Variants in PARD3 observed in about 807,000 individuals in gnomAD.
The protein encoded by PARD3 is partitioning defective 3 homolog.
A neutral mutation model predicts 155.4 loss-of-function variants in PARD3; 75 were observed. The ratio of observed to expected loss-of-function variants is 0.48; its 90% CI spans 0.40 to 0.58. The LOEUF is 0.58. Among genes scored for constraint, PARD3 ranks in the 20% least tolerant of loss-of-function variants. The pLI is 0.00. For synonymous variants in PARD3, 576 were observed against 610.5 expected, an observed-to-expected ratio of 0.94 and a Z score of 0.83; for missense variants, 1,642 against 1,721.7, an observed-to-expected ratio of 0.95 and a Z score of 0.82.
chr10:34,561,093 G>A (rs962240794), intron 2 of PARD3, among the ~76,000 whole-genome samples: 3 of 152,080 alleles, frequency 2.0e-5, no homozygotes, highest in Admixed American at 2.0e-4. Flanking sequence ...AAGGGGAGAA[G>A]GGCCCAGGAA....
intron 2 of PARD3, among the ~76,000 whole-genome samples, chr10:34,639,289 G>A (rs1013441164): frequency 6.6e-6 from 1 of 151,968 alleles, no homozygotes; most frequent in South Asian, 2.1e-4. Flanking sequence ...CCAGCTACTC[G>A]GGAGGCTGAG....
chr10:34,288,823 A>G (rs111600782), intron 20 of PARD3, among the ~76,000 whole-genome samples: 1 of 152,344 alleles, frequency 6.6e-6, no homozygotes, highest in African/African-American at 2.4e-5. Context: ...GAGTTTTGCA[A>G]TCTGCTCTGA....
At chr10:34,694,346 T>C (rs2094125578) in intron 2 of PARD3, among the ~76,000 whole-genome samples, 1 of 151,956 alleles carries the variant, frequency 6.6e-6, no homozygotes, top group African/African-American at 2.4e-5. Flanking sequence ...AAGATGGTAC[T>C]CTTCATGTGG....
chr10:34,770,695 A>AATCT (rs776158306), intron 1 of PARD3, among the ~76,000 whole-genome samples: 364 of 152,220 alleles, frequency 2.4e-3, no homozygotes, highest in Non-Finnish European at 3.5e-3. Context: ...GGACCACAGG[A>AATCT]ATCTAATCTA....
At chr10:34,592,366 T>C (rs1258199886) in intron 2 of PARD3, among the ~76,000 whole-genome samples, 1 of 152,210 alleles carries the variant, frequency 6.6e-6, no homozygotes, top group Admixed American at 6.5e-5. Context: ...GGTGAGGACA[T>C]GGACTGAATA....
chr10:34,311,106 C>T (rs557952155), intron 20 of PARD3, among the ~76,000 whole-genome samples: 2 of 152,148 alleles, frequency 1.3e-5, no homozygotes, highest in South Asian at 4.1e-4. Context: ...TTCTGTGTGT[C>T]TCCTTACTAG....
At chr10:34,529,795 G>A (rs1403825074) in intron 2 of PARD3, among the ~76,000 whole-genome samples, 4 of 151,734 alleles carry the variant, frequency 2.6e-5, no homozygotes, top group African/African-American at 9.7e-5. Context: ...GTGCAGTGGT[G>A]CAATCTTGGC....
At chr10:34,232,446 G>A (rs1050979552) in intron 22 of PARD3, among the ~76,000 whole-genome samples, 1 of 152,072 alleles carries the variant, frequency 6.6e-6, no homozygotes, top group African/African-American at 2.4e-5. Flanking sequence ...TAGACCTCAC[G>A]AGAGGCAAAC....
chr10:34,768,730 G>A (rs1358518893), intron 1 of PARD3, among the ~76,000 whole-genome samples: 1 of 152,178 alleles, frequency 6.6e-6, no homozygotes, highest in Non-Finnish European at 1.5e-5. Context: ...ACTTGGCTCT[G>A]GCCCACTTTT....
chr10:34,570,722 C>T (rs1229221112), intron 2 of PARD3, among the ~76,000 whole-genome samples: 1 of 152,170 alleles, frequency 6.6e-6, no homozygotes, highest in Non-Finnish European at 1.5e-5. Context: ...TAGAAAAGCA[C>T]ATATTGTCAC....
At chr10:34,711,318 G>A (rs1309867541) in intron 1 of PARD3, among the ~76,000 whole-genome samples, 3 of 152,152 alleles carry the variant, frequency 2.0e-5, no homozygotes, top group African/African-American at 7.2e-5. Flanking sequence ...TCAGGAGTTT[G>A]ATACCAGCCT....
At chr10:34,328,020 G>C (rs1465182606) in intron 19 of PARD3, among the ~76,000 whole-genome samples, 1 of 152,188 alleles carries the variant, frequency 6.6e-6, no homozygotes, top group African/African-American at 2.4e-5. Flanking sequence ...GCTGAAAATG[G>C]TGTGGTTAGG....
Position 34,382,620 on chromosome 10 carries a change from T to G in PARD3, c.1319A>C (p.Gln440Pro). 5.0e-6 allele frequency: 8 copies of G among 1,614,028 alleles called. No individual in the cohort carries two copies. The highest frequency in any genetic ancestry group is 6.8e-6 in the Non-Finnish European group (8 of 1,179,950). Reference protein sequence around the residue: ...KPPSAPASAPQNVFSTTVSSG... With the variant: ...KPPSAPASAPPNVFSTTVSSG... ...GCTTACAGTCGTACTAAATACATTC[T>G]GAGGTGCCGAGGCTGGAGCGGATGG... Residue 440 changes from glutamine to proline, a missense_variant, in exon 9 of 25, where the codon CAG (glutamine) becomes CCG (proline). This residue lies in a region of PARD3 where 1,529 missense variants were observed against 1,587.3 expected (regional missense o/e 0.96). Coordinates refer to ENST00000374788, the MANE Select transcript of PARD3 (RefSeq NM_001184785.2).
At chr10:34,518,789 T>A (rs1298868908) in intron 2 of PARD3, among the ~76,000 whole-genome samples, 2 of 152,136 alleles carry the variant, frequency 1.3e-5, no homozygotes, top group Admixed American at 1.3e-4. Flanking sequence ...CTAACATTAA[T>A]GGGTGTGAAT....
intron 5 of PARD3, among the ~76,000 whole-genome samples, chr10:34,444,873 T>G (rs2076656424): frequency 6.6e-6 from 1 of 152,186 alleles, no homozygotes; most frequent in Non-Finnish European, 1.5e-5. Context: ...CTGGAAAAGC[T>G]GATAAGGTCA....
At chr10:34,440,984 T>C (rs2076432719) in intron 5 of PARD3, among the ~76,000 whole-genome samples, 1 of 152,204 alleles carries the variant, frequency 6.6e-6, no homozygotes, top group Non-Finnish European at 1.5e-5. Context: ...TTAACACTGA[T>C]GTCATTTTTG....
chr10:34,701,069 G>A (rs999008696), intron 1 of PARD3, among the ~76,000 whole-genome samples: 16 of 152,004 alleles, frequency 1.1e-4, no homozygotes, highest in African/African-American at 3.6e-4. Flanking sequence ...AAAATGTTTT[G>A]TGAATTCAGG....
Position 34,269,809 on chromosome 10 carries a change from A to G in PARD3, c.3267T>C (p.Cys1089=). The change falls in exon 22 of 25, where the codon TGT becomes TGC. Residue 1089 remains cysteine (C), a synonymous_variant. Coordinates refer to ENST00000374788, the MANE Select transcript of PARD3 (RefSeq NM_001184785.2). ...EIQDFHRTFG[C]DDELMYGGVS... ...CTCCCCCATACATTAACTCATCATCACAGCCAAATGTCCGATGAAAATCTT... is the reference window on the plus strand; with the variant it reads ...CTCCCCCATACATTAACTCATCATCGCAGCCAAATGTCCGATGAAAATCTT... 1 of 1,613,984 alleles carries G rather than the reference A, an allele frequency of 6.2e-7. No homozygotes were observed. The highest frequency in any genetic ancestry group is 8.5e-7 in the Non-Finnish European group (1 of 1,179,956).
chr10:34,785,434 T>A (rs1208857623), intron 1 of PARD3, among the ~76,000 whole-genome samples: 1 of 152,126 alleles, frequency 6.6e-6, no homozygotes, highest in Admixed American at 6.6e-5. Flanking sequence ...ATTTTTTGCA[T>A]CATACTTTTT....
Sources: allele counts gnomAD v4.1 joint callset (sites outside exome capture counted in the v4.1 genomes callset), GRCh38; gene constraint gnomAD v4.1.1; regional missense constraint gnomAD v4.1.1; transcripts MANE v1.5; gene names NCBI Gene and HGNC (gene_info 2026-07-23, HGNC 2026-07-21).